Variants in KLF11 observed in about 807,000 individuals in gnomAD.
KLF11 encodes the protein KLF transcription factor 11.
KLF11 carries 26 observed loss-of-function variants against 29.9 expected under a neutral mutation model. That is an observed-to-expected ratio of 0.87 (90% CI 0.64 to 1.21). KLF11 has a LOEUF of 1.21. Among genes scored for constraint, KLF11 ranks in the 50% most tolerant of loss-of-function variants. The probability of loss-of-function intolerance (pLI) is 0.00; values close to 1 mark genes in which losing one functional copy is unlikely to be tolerated. For synonymous variants in KLF11, 318 were observed against 257.4 expected (o/e 1.24, Z -2.25); for missense variants, 778 against 665.7 (o/e 1.17, Z -1.86).
At chr2:10,046,856 C>CA (rs925903463) in intron 2 of KLF11, among the ~76,000 whole-genome samples, 20 of 149,958 alleles carry the variant, frequency 1.3e-4, no homozygotes, top group East Asian at 2.0e-4. Context: ...GACCCCATCT[C>CA]AAAAAAAAAT....
intron 1 of KLF11, 76 bp downstream of exon 1, chr2:10,043,834 C>G: frequency 7.8e-7 from 1 of 1,285,516 alleles, no homozygotes; most frequent in South Asian, 1.4e-5. Context: ...GCGGCACTCG[C>G]GCGCCTGTAA....
In KLF11 at chr2:10,046,148, AG is replaced by A; in HGVS notation, c.43del. ...GAAGCCGTTGTGTTGTGTCGCCTTT[AG>A]GTTGACATCATGGACATATGTGAGT... On this transcript the variant is annotated splice_acceptor_variant, in intron 1 of 3. Transcript: ENST00000305883. LOFTEE classifies it high-confidence loss of function. The A allele has an allele frequency of 6.2e-7, 1 of 1,613,452 alleles. No homozygotes were observed.
chr2:10,044,702 G>T (rs190535514), intron 1 of KLF11, among the ~76,000 whole-genome samples: 1 of 149,616 alleles, frequency 6.7e-6, no homozygotes, highest in Non-Finnish European at 1.5e-5. Flanking sequence ...CCGGAGTGCA[G>T]TGGGCGCGCG....
chr2:10,052,266 A>G lies in KLF11; in HGVS notation c.1298A>G (p.Lys433Arg), dbSNP rs767344976. 144 of 1,614,212 alleles carry G rather than the reference A, an allele frequency of 8.9e-5. 1 individual carries two copies. The Middle Eastern group carries it at 1.3e-3, about 15-fold the overall frequency. The change falls in exon 4 of 4, where the codon AAA (lysine) becomes AGA (arginine). Residue 433 changes from lysine (K) to arginine (R), a missense_variant. Coordinates refer to ENST00000305883, the MANE Select transcript of KLF11 (RefSeq NM_003597.5). ...AACTGCAGCTGGGATGGCTGTGATA[A>G]AAAGTTTGCTCGTTCGGATGAGCTG... is the stretch of plus-strand genomic sequence containing the variant. Reference protein sequence around the residue: ...PFNCSWDGCDKKFARSDELSR... With the variant: ...PFNCSWDGCDRKFARSDELSR...
chr2:10,047,452 G>C (rs748392523), intron 2 of KLF11, among the ~76,000 whole-genome samples, 198 bp from the exon 3 acceptor site: 11 of 152,206 alleles, frequency 7.2e-5, no homozygotes, highest in Non-Finnish European at 1.3e-4. Context: ...TCTTGTGTAG[G>C]TTTGGGAGAG....
At position 10,043,550 on chromosome 2, in the gene KLF11, G is replaced by A. The variant is rs1661055060; in HGVS notation, c.-167G>A. On this transcript the variant is annotated 5_prime_UTR_variant, in exon 1 of 4. Transcript: ENST00000305883. ...TCCGCGGCCGCCCCGCCCCTCCCGC[G>A]CCGCGAGGGCCGCGCCGGGGCAGAG... 1 of 271,910 alleles carries A rather than the reference G, an allele frequency of 3.7e-6. No individual in the cohort carries two copies. Among genetic ancestry groups the A allele is most frequent in the Non-Finnish European group, 5.5e-6 (1 of 180,876 alleles). 16.8% of individuals were successfully genotyped at this position (271,910 alleles called of 1,614,324 possible).
intron 3 of KLF11, among the ~76,000 whole-genome samples, chr2:10,051,873 T>C (rs1157989402): frequency 6.6e-6 from 1 of 152,236 alleles, no homozygotes; most frequent in South Asian, 2.1e-4. Context: ...TGGGTTTTAC[T>C]TTGTTGCCCA....
At chr2:10,048,710 T>A in intron 3 of KLF11, 115 bp downstream of exon 3, 2 of 796,094 alleles carry the variant, frequency 2.5e-6, no homozygotes, top group Non-Finnish European at 4.3e-6. Context: ...AAGGTGGAAG[T>A]GTGGCTTTTT....
At chr2:10,044,857 C>T (rs1661138277) in intron 1 of KLF11, among the ~76,000 whole-genome samples, 1 of 152,072 alleles carries the variant, frequency 6.6e-6, no homozygotes, top group Admixed American at 6.5e-5. Context: ...ATTAAAGAGA[C>T]GGTGAGGGTC....
Position 10,048,013 on chromosome 2 carries a change from A to G in KLF11, c.676A>G (p.Thr226Ala), listed in dbSNP as rs1342277318. ...DTHLTDSLLS[T>A]NLVSCQPCLH... ...ACACCTCACGGACAGTTTACTCAGC[A>G]CTAACTTGGTGTCCTGTCAGCCCTG... is the stretch of plus-strand genomic sequence containing the variant. Residue 226 changes from threonine to alanine, a missense_variant, in exon 3 of 4, where the codon ACT becomes GCT. By Grantham distance (58) the Thr-to-Ala change is moderately conservative. Transcript: ENST00000305883. 5 of 1,614,046 alleles carry G rather than the reference A, an allele frequency of 3.1e-6. No homozygotes were observed. In the African/African-American group the frequency reaches 5.3e-5, roughly 17 times the overall value.
intron 2 of KLF11, 30 bp from the exon 3 acceptor site, chr2:10,047,620 A>C (rs769731468): frequency 6.3e-7 from 1 of 1,577,600 alleles, no homozygotes; most frequent in South Asian, 1.1e-5. Context: ...AATTTAAAGC[A>C]ACCTTTTAAC....
In KLF11 at chr2:10,043,895, C is replaced by T; in HGVS notation, c.42+137C>T. The T allele has an allele frequency of 3.8e-6, 4 of 1,046,570 alleles. No homozygotes were observed. In the South Asian group the frequency reaches 1.3e-4, roughly 34 times the overall value. The allele number at this position is 1,046,570 out of a possible 1,614,324, so 64.8% of individuals were successfully genotyped here. The stretch of plus-strand genomic sequence containing the variant: ...TTCGCTGCGGCCGCGCCGGTAGGGG[C>T]CTGGGCGGGCTCCGGAGCCGGGCGG... On this transcript the variant is annotated intron_variant, in intron 1 of 3. Transcript: ENST00000305883.
chr2:10,048,016 A>G lies in KLF11; in HGVS notation c.679A>G (p.Asn227Asp), dbSNP rs200561467. Reference protein sequence around the residue: ...THLTDSLLSTNLVSCQPCLHK... With the variant: ...THLTDSLLSTDLVSCQPCLHK... ...CCTCACGGACAGTTTACTCAGCACT[A>G]ACTTGGTGTCCTGTCAGCCCTGCTT... The change falls in exon 3 of 4, where the codon AAC (asparagine) becomes GAC (aspartate). Residue 227 changes from asparagine (N) to aspartate (D), a missense_variant. Coordinates refer to ENST00000305883, the MANE Select transcript of KLF11 (RefSeq NM_003597.5). The G allele has an allele frequency of 3.2e-5, 51 of 1,614,030 alleles. No individual in the cohort carries two copies. The highest frequency in any genetic ancestry group is 3.3e-4 in the Middle Eastern group (2 of 6,084).
Position 10,052,660 on chromosome 2 carries a change from CTT to C in KLF11, c.*156_*157del. ...GCTGGTTTTGATGAAAGTATGTTAA[CTT>C]TTCTTTTCCACTTGGGACCCTGTTC... On this transcript the variant is annotated 3_prime_UTR_variant, in exon 4 of 4. Coordinates refer to ENST00000305883, the MANE Select transcript of KLF11 (RefSeq NM_003597.5). 1 of 741,856 alleles carries C rather than the reference CTT, an allele frequency of 1.3e-6. No homozygotes were observed. The highest frequency in any genetic ancestry group is 1.7e-5 in the South Asian group (1 of 59,866). 46.0% of individuals were successfully genotyped at this position (741,856 alleles called of 1,614,324 possible).
Position 10,051,276 on chromosome 2 carries a change from T to G in KLF11, c.1259-951T>G, listed in dbSNP as rs149314225. 2.3e-4 allele frequency among the ~76,000 whole-genome samples: 35 copies of G among 151,856 alleles called. No homozygotes were observed. The East Asian group carries it at 6.8e-3, about 30-fold the overall frequency. On this transcript the variant is annotated intron_variant, in intron 3 of 3. Transcript: ENST00000305883. ...CAGGCTGGAATGCAATGGCGCGATC[T>G]CCGCTCATTGCACCCTCCGCCTCCC...
At chr2:10,050,258 T>A (rs1661362786) in intron 3 of KLF11, among the ~76,000 whole-genome samples, 1 of 150,678 alleles carries the variant, frequency 6.6e-6, no homozygotes, top group Non-Finnish European at 1.5e-5. Flanking sequence ...AATACAAAAA[T>A]TAGCTGGGCC....
Position 10,048,297 on chromosome 2 carries a change from G to T in KLF11, c.960G>T (p.Gln320His). 6.2e-7 allele frequency: 1 copy of T among 1,600,884 alleles called. No homozygotes were observed. Among genetic ancestry groups the T allele is most frequent in the Non-Finnish European group, 8.5e-7 (1 of 1,171,958 alleles). The change falls in exon 3 of 4, where the codon CAG becomes CAT. Residue 320 changes from glutamine to histidine, a missense_variant. Coordinates refer to ENST00000305883, the MANE Select transcript of KLF11 (RefSeq NM_003597.5). Reference protein sequence around the residue: ...SVGTVRPILAQAAPAPQPVFV... With the variant: ...SVGTVRPILAHAAPAPQPVFV... ...GGACTGTGAGACCCATCCTAGCTCA[G>T]GCTGCTCCAGCGCCTCAACCTGTGT...
chr2:10,047,677 C>A lies in KLF11; in HGVS notation c.340C>A (p.Leu114Ile). Residue 114 changes from leucine to isoleucine, a missense_variant, in exon 3 of 4, where the codon CTC (leucine) becomes ATC (isoleucine). Transcript: ENST00000305883. The stretch of plus-strand genomic sequence containing the variant: ...CATAACTCCTCCTCAGAGCCCTGAT[C>A]TCGTGGAGCCATCGACAAGGACACC... Reference protein sequence around the residue: ...LCITPPQSPDLVEPSTRTPVS... With the variant: ...LCITPPQSPDIVEPSTRTPVS... 2.5e-6 allele frequency: 4 copies of A among 1,613,308 alleles called. No individual in the cohort carries two copies. The highest frequency in any genetic ancestry group is 3.4e-6 in the Non-Finnish European group (4 of 1,179,978).
At chr2:10,046,465 G>A (rs1378429823) in intron 2 of KLF11, 46 bp downstream of exon 2, 2 of 1,596,422 alleles carry the variant, frequency 1.3e-6, no homozygotes, top group Non-Finnish European at 1.7e-6. Context: ...AATGACTAGA[G>A]TAGCTGAACT....
Sources: allele counts gnomAD v4.1 joint callset (sites outside exome capture counted in the v4.1 genomes callset), GRCh38; gene constraint gnomAD v4.1.1; transcripts MANE v1.5; gene names NCBI Gene and HGNC (gene_info 2026-07-23, HGNC 2026-07-21).